LRP1B: variants seen among roughly 807,000 people sequenced by gnomAD.
The protein encoded by LRP1B is LDL receptor related protein 1B.
LRP1B carries 217 observed loss-of-function variants against 556.6 expected under a neutral mutation model. The ratio of observed to expected loss-of-function variants is 0.39; its 90% CI spans 0.35 to 0.44. The LOEUF is 0.44. Ranked by LOEUF, LRP1B falls within the 20% of genes least tolerant of loss-of-function variation. The probability of loss-of-function intolerance (pLI) is 1.00; values close to 1 mark genes in which losing one functional copy is unlikely to be tolerated. For missense variants in LRP1B, 5,053 were observed against 5,620.8 expected (o/e 0.90, Z 3.23); for synonymous variants, 2,047 against 1,865.8 (o/e 1.10, Z -2.50).
intron 18 of LRP1B, among the ~76,000 whole-genome samples, chr2:140,962,444 TA>T: frequency 6.6e-6 from 1 of 152,198 alleles, no homozygotes. Flanking sequence ...AATACATCAA[TA>T]AAACACGATA....
intron 6 of LRP1B, among the ~76,000 whole-genome samples, chr2:141,224,949 C>A (rs889574090): frequency 6.6e-6 from 1 of 151,662 alleles, no homozygotes; most frequent in African/African-American, 2.4e-5. Context: ...ACCTGCACAT[C>A]CTGCACATGT....
intron 35 of LRP1B, among the ~76,000 whole-genome samples, chr2:140,723,156 T>C (rs533674580): frequency 1.3e-5 from 2 of 152,336 alleles, no homozygotes; most frequent in Admixed American, 6.5e-5. Context: ...CTTGCTTTTT[T>C]GATGAGTCTT....
chr2:141,612,879 T>C lies in LRP1B; in HGVS notation c.206-132346A>G, dbSNP rs555523612. 5.6e-3 allele frequency among the ~76,000 whole-genome samples: 846 copies of C among 152,266 alleles called. 8 individuals are homozygous for C. Among genetic ancestry groups the C allele is most frequent in the African/African-American group, 0.019 (798 of 41,558 alleles). On this transcript the variant is annotated intron_variant, in intron 2 of 90. Coordinates refer to ENST00000389484, the MANE Select transcript of LRP1B (RefSeq NM_018557.3). ...GTGCAGTGGTGCAATCTCAGCTCACTGCAAGCTCTCCCTCCCTGGTTCATG... is the reference window on the plus strand; with the variant it reads ...GTGCAGTGGTGCAATCTCAGCTCACCGCAAGCTCTCCCTCCCTGGTTCATG...
intron 7 of LRP1B, among the ~76,000 whole-genome samples, chr2:141,099,377 A>G (rs1395152221): frequency 6.6e-6 from 1 of 152,250 alleles, no homozygotes; most frequent in Non-Finnish European, 1.5e-5. Context: ...AGTGATAAAC[A>G]GTAATTTAAT....
intron 66 of LRP1B, among the ~76,000 whole-genome samples, chr2:140,393,715 ACAATGAAGTTAAGCTT>A (rs1250801760): frequency 6.6e-6 from 1 of 152,174 alleles, no homozygotes; most frequent in Non-Finnish European, 1.5e-5. Flanking sequence ...AACTATGGGA[ACAATGAAGTTAAGCTT>A]CAATCATGGC....
chr2:142,124,066 G>C (rs1707554998), intron 1 of LRP1B, among the ~76,000 whole-genome samples: 1 of 151,600 alleles, frequency 6.6e-6, no homozygotes, highest in African/African-American at 2.4e-5. Context: ...AGATTTGGGG[G>C]TACATGTGAA....
At chr2:140,660,118 C>G (rs1685037952) in intron 41 of LRP1B, among the ~76,000 whole-genome samples, 1 of 151,618 alleles carries the variant, frequency 6.6e-6, no homozygotes, top group Non-Finnish European at 1.5e-5. Context: ...ACCTATCATT[C>G]ACTAATGTCC....
At chr2:141,656,399 G>A (rs964178843) in intron 2 of LRP1B, among the ~76,000 whole-genome samples, 4 of 152,038 alleles carry the variant, frequency 2.6e-5, no homozygotes, top group African/African-American at 9.7e-5. Context: ...CTTTCTAAAA[G>A]TATTGTAAAA....
intron 4 of LRP1B, 70 bp downstream of exon 4, chr2:141,254,452 A>G: frequency 2.0e-6 from 3 of 1,510,450 alleles, no homozygotes; most frequent in Admixed American, 1.7e-5. Context: ...GTGCTCAAAG[A>G]TGTCTGCTTA....
chr2:141,337,990 A>G (rs1019445393), intron 3 of LRP1B, among the ~76,000 whole-genome samples: 5 of 152,082 alleles, frequency 3.3e-5, no homozygotes, highest in Non-Finnish European at 7.4e-5. Flanking sequence ...TTTAAGTTCT[A>G]TGGAGGATGC....
chr2:140,886,096 A>G (rs766036235), intron 24 of LRP1B, 42 bp downstream of exon 24: 6 of 1,275,222 alleles, frequency 4.7e-6, no homozygotes, highest in Non-Finnish European at 5.4e-6. Context: ...TTTTCACTTA[A>G]AAAAGTAATC....
At chr2:140,319,665 A>G (rs983433462) in intron 82 of LRP1B, among the ~76,000 whole-genome samples, 2 of 152,140 alleles carry the variant, frequency 1.3e-5, no homozygotes, top group Non-Finnish European at 2.9e-5. Flanking sequence ...AAAAATAACT[A>G]ATGGATACTA....
intron 3 of LRP1B, among the ~76,000 whole-genome samples, chr2:141,374,096 C>T (rs1043541971): frequency 4.6e-5 from 7 of 152,004 alleles, no homozygotes; most frequent in African/African-American, 1.7e-4. Context: ...GACTTTATTT[C>T]TTCTTCATTT....
intron 2 of LRP1B, among the ~76,000 whole-genome samples, chr2:141,765,575 C>G (rs1308666033): frequency 6.6e-6 from 1 of 152,018 alleles, no homozygotes; most frequent in African/African-American, 2.4e-5. Context: ...AAAAAATTAG[C>G]TAAATTTCAT....
At chr2:140,956,628 T>G (rs993459212) in intron 18 of LRP1B, among the ~76,000 whole-genome samples, 1 of 151,752 alleles carries the variant, frequency 6.6e-6, no homozygotes, top group Non-Finnish European at 1.5e-5. Flanking sequence ...AATGATCCAA[T>G]AGAGTAAATG....
At chr2:140,792,580 G>T (rs1330091707) in intron 32 of LRP1B, among the ~76,000 whole-genome samples, 1 of 152,038 alleles carries the variant, frequency 6.6e-6, no homozygotes, top group Non-Finnish European at 1.5e-5. Flanking sequence ...TTGGTTTTCA[G>T]TTCTTGGAGG....
At position 140,487,769 on chromosome 2, in the gene LRP1B, G is replaced by T. The variant is rs185755023; in HGVS notation, c.9121-30C>A. 130 of 1,395,234 alleles carry T rather than the reference G, an allele frequency of 9.3e-5. No individual in the cohort carries two copies. In the African/African-American group the frequency reaches 1.4e-3, roughly 15 times the overall value. 86.4% of individuals were successfully genotyped at this position (1,395,234 alleles called of 1,614,324 possible). On this transcript the variant is annotated intron_variant, in intron 57 of 90. Coordinates refer to ENST00000389484, the MANE Select transcript of LRP1B (RefSeq NM_018557.3). ...AAATAAAAAAGACTATGTTGTCAATGATAGTTCATAGAAATAATTATAAAA... is the reference window on the plus strand; with the variant it reads ...AAATAAAAAAGACTATGTTGTCAATTATAGTTCATAGAAATAATTATAAAA...
At chr2:140,292,338 A>G (rs78268988) in intron 84 of LRP1B, among the ~76,000 whole-genome samples, 9,215 of 152,220 alleles carry the variant, frequency 0.061, 401 homozygotes, top group Non-Finnish European at 0.098. Flanking sequence ...AACATTACAC[A>G]TGTTTACTGA....
intron 81 of LRP1B, 74 bp downstream of exon 81, chr2:140,323,819 A>C: frequency 1.3e-6 from 1 of 761,424 alleles, no homozygotes; most frequent in Non-Finnish European, 2.0e-6. Context: ...TAAGATATTT[A>C]AAAATATATT....
Sources: allele counts gnomAD v4.1 joint callset (sites outside exome capture counted in the v4.1 genomes callset), GRCh38; gene constraint gnomAD v4.1.1; transcripts MANE v1.5; gene names NCBI Gene and HGNC (gene_info 2026-07-23, HGNC 2026-07-21).